Variants in EIF4G1 observed in about 807,000 individuals in gnomAD.
EIF4G1 encodes eukaryotic translation initiation factor 4 gamma 1, also known as EIF4-gamma.
Under a neutral mutation model 187.8 loss-of-function variants are expected in EIF4G1, and 4 were observed. The ratio of observed to expected loss-of-function variants is 0.02; its 90% CI spans 0.01 to 0.05. The LOEUF (loss-of-function observed/expected upper bound fraction) is 0.05, where lower values mean the gene tolerates loss of function less well. Ranked by LOEUF, EIF4G1 falls within the 10% of genes least tolerant of loss-of-function variation. The probability of loss-of-function intolerance (pLI) is 1.00; values close to 1 mark genes in which losing one functional copy is unlikely to be tolerated. For missense variants in EIF4G1, 1,647 were observed against 2,081.1 expected (o/e 0.79, Z 4.06); for synonymous variants, 844 against 781.4 (o/e 1.08, Z -1.34).
Position 184,332,099 on chromosome 3 carries a change from C to A in EIF4G1, c.4618+13C>A. ...GAACAGCCTCCCAGTAAGAGCCAGG[C>A]CATGGGGACAGGGGTGGGGTGGAGG... is the stretch of plus-strand genomic sequence containing the variant. On this transcript the variant is annotated intron_variant, in intron 32 of 32. Transcript: ENST00000346169. 1 of 1,614,088 alleles carries A rather than the reference C, an allele frequency of 6.2e-7. No individual in the cohort carries two copies. The highest frequency in any genetic ancestry group is 1.7e-5 in the Admixed American group (1 of 60,010).
Position 184,331,531 on chromosome 3 carries a change from C to CGAGGAGCTGAACAGGCAGCTG in EIF4G1, c.4324_4344dup (p.Glu1442_Glu1448dup). The CGAGGAGCTGAACAGGCAGCTG allele has an allele frequency of 6.2e-7, 1 of 1,613,984 alleles. No homozygotes were observed. The highest frequency in any genetic ancestry group is 8.5e-7 in the Non-Finnish European group (1 of 1,180,010). On this transcript the variant is annotated inframe_insertion, in exon 30 of 33. Transcript: ENST00000346169. Reference sequence around the variant, plus strand: ...CCCCTGGCCAGAGGGCACTCCCCTCCGAGGAGCTGAACAGGCAGCTGGAGA... The same window carrying CGAGGAGCTGAACAGGCAGCTG: ...CCCCTGGCCAGAGGGCACTCCCCTCCGAGGAGCTGAACAGGCAGCTGGAGGAGCTGAACAGGCAGCTGGAGA...
intron 1 of EIF4G1, 148 bp from the exon 2 acceptor site, chr3:184,315,341 C>T (rs1722561591): frequency 3.9e-6 from 2 of 517,124 alleles, no homozygotes; most frequent in South Asian, 2.8e-5. Flanking sequence ...AACCCGGTGT[C>T]CCCGGGTGGG....
rs1337508288 is a variant in EIF4G1, at chr3:184,325,210, G to T, written c.2857-59G>T. ...GGCGGAAGGCCTGAGGAGGGGTGGG[G>T]CCTGCAGTTATAGGTGGGACATGAG... On this transcript the variant is annotated intron_variant, in intron 18 of 32. Transcript: ENST00000346169. This position sits in a 1 kb window ranked among gnomAD's most constrained non-coding sequence, Gnocchi z 5.2. The T allele has an allele frequency of 1.2e-6, 2 of 1,606,424 alleles. No individual in the cohort carries two copies. Among genetic ancestry groups the T allele is most frequent in the Admixed American group, 3.3e-5 (2 of 59,994 alleles).
rs1196391163 is a variant in EIF4G1, at chr3:184,326,899, C to T, written c.3344C>T (p.Pro1115Leu). The change falls in exon 23 of 33, where the codon CCA (proline) becomes CTA (leucine). Residue 1115 changes from proline (P) to leucine (L), a missense_variant. Around this residue, in one of 11 missense-constraint regions of EIF4G1, gnomAD observed 543 missense variants for 638.0 expected, o/e 0.85. Transcript: ENST00000346169. The stretch of plus-strand genomic sequence containing the variant: ...TCCCCAGCATCAGAAGCTGCTCGCC[C>T]AGCTACTAGTACTTTGAATCGCTTC... ...PSDAASEAAR[P>L]ATSTLNRFSA... 6.2e-7 allele frequency: 1 copy of T among 1,614,178 alleles called. No homozygotes were observed. Among genetic ancestry groups the T allele is most frequent in the South Asian group, 1.1e-5 (1 of 91,078 alleles).
In EIF4G1 at chr3:184,315,848, C is replaced by G. The variant is rs1722674400; in HGVS notation, c.52C>G (p.Leu18Val). The G allele has an allele frequency of 6.5e-7, 1 of 1,547,400 alleles. No individual in the cohort carries two copies. The highest frequency in any genetic ancestry group is 8.7e-7 in the Non-Finnish European group (1 of 1,143,600). Residue 18 changes from leucine (L) to valine (V), a missense_variant, in exon 3 of 33, where the codon CTC (leucine) becomes GTC (valine). Around this residue, in one of 11 missense-constraint regions of EIF4G1, gnomAD observed 61 missense variants for 49.5 expected, o/e 1.23. Transcript: ENST00000346169. ...TGPPPAPSPG[L>V]PQPAFPPGQT... ...CCCCCCACCCGCCCCATCCCCCGGA[C>G]TCCCACAGGTAATTAGGGAGGAATT...
Position 184,315,842 on chromosome 3 carries a change from C to CCCCCCCG in EIF4G1, c.48_49insCCCCGCC (p.Gly17ProfsTer40). 6.5e-7 allele frequency: 1 copy of CCCCCCCG among 1,550,308 alleles called. No homozygotes were observed. The highest frequency in any genetic ancestry group is 8.7e-7 in the Non-Finnish European group (1 of 1,145,978). Reference sequence around the variant, plus strand: ...CACAGGCCCCCCACCCGCCCCATCCCCCGGACTCCCACAGGTAATTAGGGA... The same window carrying CCCCCCCG: ...CACAGGCCCCCCACCCGCCCCATCCCCCCCCCGCCGGACTCCCACAGGTAATTAGGGA... On this transcript the variant is annotated frameshift_variant, in exon 3 of 33. Transcript: ENST00000346169. LOFTEE classifies it high-confidence loss of function.
rs16858632 is a variant in EIF4G1 at position 184,321,516 on chromosome 3, A to G, written c.932A>G (p.Tyr311Cys). The stretch of plus-strand genomic sequence containing the variant: ...ATCTCCCGTGAAACTGGGGAGCCAT[A>G]TCGCCTCTCTCCAGAACCCACTCCT... ...TPISRETGEP[Y>C]RLSPEPTPLA... The change falls in exon 10 of 33, where the codon TAT becomes TGT. Residue 311 changes from tyrosine (Y) to cysteine (C), a missense_variant. Physicochemically the swap from Tyr to Cys is radical, Grantham distance 194. Around this residue, in one of 11 missense-constraint regions of EIF4G1, gnomAD observed 522 missense variants for 485.2 expected, o/e 1.08. Transcript: ENST00000346169. 5,383 of 1,614,070 alleles carry G rather than the reference A, an allele frequency of 3.3e-3. 165 individuals carry two copies. In the African/African-American group the frequency reaches 0.061, roughly 18 times the overall value.
chr3:184,316,582 G>T (rs1722822655), intron 4 of EIF4G1: 1 of 880,232 alleles, frequency 1.1e-6, no homozygotes, highest in Admixed American at 2.4e-5. Context: ...GCTGGTCCTT[G>T]CCTTTCTCTG....
chr3:184,320,479 G>A (rs1723699578), intron 7 of EIF4G1, 151 bp from the exon 8 acceptor site: 3 of 1,535,984 alleles, frequency 2.0e-6, no homozygotes, highest in Admixed American at 3.9e-5. Flanking sequence ...GCAGCCAGAT[G>A]GGCTGAAAGT....
chr3:184,324,366 T>A lies in EIF4G1; in HGVS notation c.2619+19T>A. 1 of 1,614,138 alleles carries A rather than the reference T, an allele frequency of 6.2e-7. No homozygotes were observed. The highest frequency in any genetic ancestry group is 1.1e-5 in the South Asian group (1 of 91,062). On this transcript the variant is annotated intron_variant, in intron 17 of 32. Coordinates refer to ENST00000346169, the MANE Select transcript of EIF4G1 (RefSeq NM_198241.3). ...TGCTACGGTGAGAGAAAACCCACTA[T>A]CGATTCCACTCACCACTTACCTCCT...
intron 1 of EIF4G1, 110 bp from the exon 2 acceptor site, chr3:184,315,375 CAGCT>C (rs1560204470): frequency 3.8e-6 from 2 of 524,640 alleles, no homozygotes; most frequent in Non-Finnish European, 7.6e-6. Context: ...ACGGCCGAAG[CAGCT>C]AGCTCCGTTC....
At chr3:184,320,454 G>C (rs1427263120) in intron 7 of EIF4G1, 176 bp from the exon 8 acceptor site, 1 of 1,510,792 alleles carries the variant, frequency 6.6e-7, no homozygotes, top group Non-Finnish European at 8.8e-7. Flanking sequence ...GGGAGCTGGG[G>C]CAGGGACTAC....
chr3:184,327,439 C>T lies in EIF4G1; in HGVS notation c.3652C>T (p.Arg1218Trp), dbSNP rs570589392. 24 of 1,613,490 alleles carry T rather than the reference C, an allele frequency of 1.5e-5. No individual in the cohort carries two copies. The East Asian group carries it at 1.8e-4, about 12-fold the overall frequency. ...CCTCACGGAGGATCGGGACCGTGGG[C>T]GGGATGCCGGTGAGAGTCTGGGAGA... Reference protein sequence around the residue: ...ASLTEDRDRGRDAVKREAALP... With the variant: ...ASLTEDRDRGWDAVKREAALP... The change falls in exon 24 of 33, where the codon CGG becomes TGG. Residue 1218 changes from arginine (R) to tryptophan (W), a missense_variant. Arg to Trp is a moderately radical substitution (Grantham distance 101). Transcript: ENST00000346169.
At chr3:184,328,372 CAAAAG>C in intron 26 of EIF4G1, 4 of 544,124 alleles carry the variant, frequency 7.4e-6, no homozygotes, top group Non-Finnish European at 1.3e-5. Flanking sequence ...GCCTGGGTGA[CAAAAG>C]CAAAACTGTC....
intron 6 of EIF4G1, among the ~76,000 whole-genome samples, chr3:184,319,426 G>GGGGTGTGT (rs1553846607): frequency 2.7e-5 from 3 of 112,876 alleles, no homozygotes; most frequent in Non-Finnish European, 5.5e-5. Flanking sequence ...GCCTACGAGG[G>GGGGTGTGT]GTGTGTGTGT....
chr3:184,320,973 T>C lies in EIF4G1; in HGVS notation c.677T>C (p.Val226Ala), dbSNP rs777638671. 1 of 1,613,940 alleles carries C rather than the reference T, an allele frequency of 6.2e-7. No homozygotes were observed. The highest frequency in any genetic ancestry group is 8.5e-7 in the Non-Finnish European group (1 of 1,180,006). Residue 226 changes from valine (V) to alanine (A), a missense_variant, in exon 9 of 33, where the codon GTT (valine) becomes GCT (alanine). Physicochemically the swap from Val to Ala is moderately conservative, Grantham distance 64 (BLOSUM62 0). Coordinates refer to ENST00000346169, the MANE Select transcript of EIF4G1 (RefSeq NM_198241.3). Reference sequence around the variant, plus strand: ...CAAGCTAATGGGGAGACGCCCCAGGTTGCTGTCATTGTCCGGCCAGGTAAG... The same window carrying C: ...CAAGCTAATGGGGAGACGCCCCAGGCTGCTGTCATTGTCCGGCCAGGTAAG... ...EPQANGETPQ[V>A]AVIVRPDDRS...
rs1274353005 is a variant in EIF4G1 at position 184,322,242 on chromosome 3, A to G, written c.1520-120A>G. 5.2e-6 allele frequency: 8 copies of G among 1,524,926 alleles called. No individual in the cohort carries two copies. In the East Asian group the frequency reaches 1.4e-4, roughly 27 times the overall value. The allele number at this position is 1,524,926 out of a possible 1,614,324, so 94.5% of individuals were successfully genotyped here. A position where few individuals can be genotyped will look rare whatever the true frequency, so the allele number is the denominator to read the frequency against. On this transcript the variant is annotated intron_variant, in intron 10 of 32. Transcript: ENST00000346169. ...AACTAGATTAAGGACTTTTAAGCCT[A>G]AAAAGGGTGATGCAAAGGGGAAATA...
At position 184,317,644 on chromosome 3, in the gene EIF4G1, G is replaced by C. The variant is rs1723029544; in HGVS notation, c.325-73G>C. ...GTTGGCTTGTCTTGTCTTGACCTAT[G>C]TTCTTTTTGGAGTCTGATATGGAAC... On this transcript the variant is annotated intron_variant, in intron 5 of 32. Transcript: ENST00000346169. 4.6e-6 allele frequency: 7 copies of C among 1,537,374 alleles called. No individual in the cohort carries two copies. In the East Asian group the frequency reaches 1.6e-4, roughly 35 times the overall value.
chr3:184,328,142 G>A, intron 26 of EIF4G1, 140 bp downstream of exon 26: 1 of 984,942 alleles, frequency 1.0e-6, no homozygotes, highest in Non-Finnish European at 1.6e-6. Flanking sequence ...CCTGCACTTT[G>A]GGAGGCCAAG....
Sources: gnomAD v4.1 joint callset for allele counts (sites outside exome capture counted in the v4.1 genomes callset) on GRCh38, gnomAD v4.1.1 for gene constraint, gnomAD v4.1.1 regional missense constraint, Gnocchi (gnomAD v3.1) non-coding constraint, MANE v1.5 for transcripts, NCBI Gene and HGNC (gene_info 2026-07-23, HGNC 2026-07-21) for gene names.